The following PHYHIPL variants were observed in gnomAD, a reference collection of about 807,000 sequenced individuals.
PHYHIPL encodes the protein phytanoyl-CoA hydroxylase-interacting protein-like.
In PHYHIPL, 9 loss-of-function variants were observed where a neutral mutation model predicts 33.4. The observed-to-expected ratio is 0.27, with a 90% confidence interval of 0.16 to 0.47. The LOEUF is 0.47. PHYHIPL is among the 20% of genes least tolerant of loss of function. The probability of loss-of-function intolerance (pLI) is 0.99; values close to 1 mark genes in which losing one functional copy is unlikely to be tolerated. For synonymous variants in PHYHIPL, 153 were observed against 154.1 expected, an observed-to-expected ratio of 0.99 and a Z score of 0.05; for missense variants, 365 against 460.7, an observed-to-expected ratio of 0.79 and a Z score of 1.90.
At chr10:59,206,246 T>C (rs1407169287) in intron 1 of PHYHIPL, among the ~76,000 whole-genome samples, 1 of 152,192 alleles carries the variant, frequency 6.6e-6, no homozygotes, top group Non-Finnish European at 1.5e-5. Flanking sequence ...TAAGCCTCCT[T>C]GATACAAACA....
At chr10:59,243,128 GAA>G (rs60177214) in intron 4 of PHYHIPL, among the ~76,000 whole-genome samples, 41 of 137,888 alleles carry the variant, frequency 3.0e-4, no homozygotes, top group East Asian at 1.7e-3. Context: ...CAGGCCAAAG[GAA>G]AAAAAAAAAA....
chr10:59,215,229 T>C (rs1839580832), intron 1 of PHYHIPL, among the ~76,000 whole-genome samples: 1 of 152,166 alleles, frequency 6.6e-6, no homozygotes, highest in Non-Finnish European at 1.5e-5. Flanking sequence ...TTTTAAATGA[T>C]AGTTATTAAC....
At chr10:59,215,278 A>G (rs1345936916) in intron 1 of PHYHIPL, among the ~76,000 whole-genome samples, 1 of 152,072 alleles carries the variant, frequency 6.6e-6, no homozygotes, top group Non-Finnish European at 1.5e-5. Flanking sequence ...TTGCCTTCTA[A>G]TGGGTTATCA....
intron 2 of PHYHIPL, 45 bp downstream of exon 2, chr10:59,234,545 T>C: frequency 7.4e-7 from 1 of 1,351,334 alleles, no homozygotes; most frequent in Non-Finnish European, 9.9e-7. Context: ...CTTAAAACTT[T>C]CTAAGTATGA....
Position 59,247,556 on chromosome 10 carries a change from A to G in PHYHIPL, c.*1965A>G. On this transcript the variant is annotated 3_prime_UTR_variant, in exon 5 of 5. Coordinates refer to ENST00000373880, the MANE Select transcript of PHYHIPL (RefSeq NM_032439.4). The stretch of plus-strand genomic sequence containing the variant: ...CAAAACTACTTAGCAAGGATGGCAG[A>G]GGAAAATAAACTTTACTTTATATCA... 6.2e-7 allele frequency: 1 copy of G among 1,606,138 alleles called. No individual in the cohort carries two copies. The highest frequency in any genetic ancestry group is 8.5e-7 in the Non-Finnish European group (1 of 1,175,582).
At chr10:59,207,118 T>C (rs1438941737) in intron 1 of PHYHIPL, among the ~76,000 whole-genome samples, 1 of 152,150 alleles carries the variant, frequency 6.6e-6, no homozygotes, top group Non-Finnish European at 1.5e-5. Context: ...TACTTAAGAA[T>C]ATCACAGAGG....
intron 2 of PHYHIPL, among the ~76,000 whole-genome samples, chr10:59,235,517 A>G (rs1840202589): frequency 6.6e-6 from 1 of 151,892 alleles, no homozygotes; most frequent in Non-Finnish European, 1.5e-5. Context: ...GTGCGATTAT[A>G]CATACTAAAG....
rs914504324 is a variant in PHYHIPL at position 59,196,471 on chromosome 10, G to A, written c.106+19512G>A. Among the ~76,000 whole-genome samples, 8 of 147,590 alleles carry A rather than the reference G, an allele frequency of 5.4e-5. No individual in the cohort carries two copies. The Admixed American group carries it at 5.5e-4, about 10-fold the overall frequency. On this transcript the variant is annotated intron_variant, in intron 1 of 4. Coordinates refer to ENST00000373880, the MANE Select transcript of PHYHIPL (RefSeq NM_032439.4). ...GCTCTGTTGCCCAGGCTGGAGTGCA[G>A]TGGTGTGAATCTCGGCTCACTGCAA... is the stretch of plus-strand genomic sequence containing the variant.
chr10:59,230,242 C>T (rs1433115269), intron 1 of PHYHIPL, among the ~76,000 whole-genome samples: 9 of 106,614 alleles, frequency 8.4e-5, no homozygotes, highest in Admixed American at 1.3e-4. Context: ...GAGACAAGGT[C>T]TTACTCTGTC....
chr10:59,243,256 C>T (rs1053739762), intron 4 of PHYHIPL, among the ~76,000 whole-genome samples: 1 of 152,092 alleles, frequency 6.6e-6, no homozygotes, highest in Non-Finnish European at 1.5e-5. Flanking sequence ...TTTTCAAATG[C>T]TGAACGAGCA....
chr10:59,186,545 A>G (rs1354165253), intron 1 of PHYHIPL, among the ~76,000 whole-genome samples: 3 of 152,106 alleles, frequency 2.0e-5, no homozygotes, highest in Non-Finnish European at 2.9e-5. Flanking sequence ...GAATCTATAA[A>G]TTACCTTGGG....
chr10:59,242,581 C>A (rs1405881837), intron 4 of PHYHIPL, among the ~76,000 whole-genome samples: 1 of 151,758 alleles, frequency 6.6e-6, no homozygotes, highest in Non-Finnish European at 1.5e-5. Context: ...GATACAAAAA[C>A]CAAAATAATG....
At chr10:59,224,543 T>G (rs1336198897) in intron 1 of PHYHIPL, among the ~76,000 whole-genome samples, 1 of 151,832 alleles carries the variant, frequency 6.6e-6, no homozygotes, top group Non-Finnish European at 1.5e-5. Context: ...AATTGAACTA[T>G]ATATCAAAAG....
chr10:59,177,591 A>T lies in PHYHIPL; in HGVS notation c.106+632A>T, dbSNP rs1321883437. ...ACTGTCGAAAATATTGGCCTAATAT[A>T]TGTGCTGTGATTCAGACTTTGTGGC... On this transcript the variant is annotated intron_variant, in intron 1 of 4. Coordinates refer to ENST00000373880, the MANE Select transcript of PHYHIPL (RefSeq NM_032439.4). 4 of 1,551,524 alleles carry T rather than the reference A, an allele frequency of 2.6e-6. No homozygotes were observed. In the East Asian group the frequency reaches 7.3e-5, roughly 28 times the overall value.
At chr10:59,221,928 A>G (rs1839788930) in intron 1 of PHYHIPL, among the ~76,000 whole-genome samples, 2 of 152,010 alleles carry the variant, frequency 1.3e-5, no homozygotes, top group Non-Finnish European at 2.9e-5. Context: ...ATATAGAACT[A>G]TTTTGCTAAT....
intron 1 of PHYHIPL, among the ~76,000 whole-genome samples, chr10:59,228,228 C>CA (rs1480009924): frequency 6.6e-6 from 1 of 151,746 alleles, no homozygotes; most frequent in African/African-American, 2.4e-5. Flanking sequence ...GAATAGAATA[C>CA]AAAAAGATTG....
chr10:59,220,421 A>AT (rs988154044), intron 1 of PHYHIPL, among the ~76,000 whole-genome samples: 1 of 152,030 alleles, frequency 6.6e-6, no homozygotes, highest in African/African-American at 2.4e-5. Context: ...TTGGTGTCTC[A>AT]TTTTGTCTTC....
intron 1 of PHYHIPL, among the ~76,000 whole-genome samples, chr10:59,186,434 G>A (rs1276581793): frequency 6.6e-6 from 1 of 152,124 alleles, no homozygotes; most frequent in Non-Finnish European, 1.5e-5. Context: ...GCTTAGGATT[G>A]TCTCGGCAAT....
chr10:59,221,832 C>A, intron 1 of PHYHIPL: 1 of 412,044 alleles, frequency 2.4e-6, no homozygotes, highest in Non-Finnish European at 3.3e-6. Flanking sequence ...GTCTGAAGTT[C>A]CAGGATGGTA....
Sources: allele counts gnomAD v4.1 joint callset (sites outside exome capture counted in the v4.1 genomes callset), GRCh38; gene constraint gnomAD v4.1.1; transcripts MANE v1.5; gene names NCBI Gene and HGNC (gene_info 2026-07-23, HGNC 2026-07-21).